The following DDX1 variants were observed in gnomAD, a reference collection of about 807,000 sequenced individuals.
The protein encoded by DDX1 is ATP-dependent RNA helicase DDX1.
A neutral mutation model predicts 108.7 loss-of-function variants in DDX1; 28 were observed. The observed-to-expected ratio is 0.26, with a 90% CI of 0.19 to 0.35. DDX1 has a LOEUF of 0.35. DDX1 is among the 10% of genes least tolerant of loss of function. The pLI, the probability that DDX1 is intolerant of heterozygous loss-of-function variation, is 1.00. For missense variants in DDX1, 710 were observed against 884.5 expected, an observed-to-expected ratio of 0.80 and a Z score of 2.50; for synonymous variants, 295 against 288.9, an observed-to-expected ratio of 1.02 and a Z score of -0.21.
intron 14 of DDX1, among the ~76,000 whole-genome samples, chr2:15,616,059 AT>A (rs973772418): frequency 8.1e-5 from 7 of 86,844 alleles, no homozygotes; most frequent in African/African-American, 1.3e-4. Context: ...TGCCCGGCTA[AT>A]TTTGTGTGTG....
At chr2:15,622,866 A>T (rs1046038622) in intron 18 of DDX1, among the ~76,000 whole-genome samples, 16 of 152,202 alleles carry the variant, frequency 1.1e-4, no homozygotes, top group African/African-American at 3.9e-4. Flanking sequence ...GTGGTTGAGG[A>T]ATAACAATTA....
Position 15,603,750 on chromosome 2 carries a change from T to C in DDX1, c.476-64T>C. ...CATACTATGTGAATAAAATTACTTC[T>C]TTTAGAGGTCTTTTAATTTTATATT... On this transcript the variant is annotated intron_variant, in intron 8 of 25. Coordinates refer to ENST00000233084, the MANE Select transcript of DDX1 (RefSeq NM_004939.3). The C allele has an allele frequency of 1.0e-5, 11 of 1,076,714 alleles. No individual in the cohort carries two copies. The South Asian group carries it at 1.4e-4, about 14-fold the overall frequency. 66.7% of individuals were successfully genotyped at this position (1,076,714 alleles called of 1,614,324 possible).
chr2:15,599,826 A>C (rs1235102345), intron 6 of DDX1, 110 bp downstream of exon 6: 1 of 766,224 alleles, frequency 1.3e-6, no homozygotes, highest in Non-Finnish European at 2.1e-6. Context: ...AGATATTAGA[A>C]TTTAGTCACT....
At chr2:15,595,045 C>T (rs940076523) in intron 1 of DDX1, 100 bp from the exon 2 acceptor site, 18 of 873,714 alleles carry the variant, frequency 2.1e-5, no homozygotes, top group Non-Finnish European at 3.0e-5. Flanking sequence ...ACTGAGCTAT[C>T]CTTCAAAATC....
intron 14 of DDX1, among the ~76,000 whole-genome samples, chr2:15,613,771 T>C (rs543606767): frequency 5.8e-4 from 88 of 151,752 alleles, no homozygotes; most frequent in Non-Finnish European, 1.1e-3. Context: ...TGCTCAGCCA[T>C]GCCATTACGA....
Position 15,613,372 on chromosome 2 carries a change from T to C in DDX1, c.1017+88T>C, listed in dbSNP as rs1313437661. 3.3e-5 allele frequency: 29 copies of C among 882,704 alleles called. No individual in the cohort carries two copies. The Middle Eastern group carries it at 1.0e-3, about 30-fold the overall frequency. The allele number at this position is 882,704 out of a possible 1,614,324, so 54.7% of individuals were successfully genotyped here. On this transcript the variant is annotated intron_variant, in intron 14 of 25. Coordinates refer to ENST00000233084, the MANE Select transcript of DDX1 (RefSeq NM_004939.3). ...CTGTTTTGTTTCAAGAAAATTTAAG[T>C]GAGGCTGAAATTAGAGCAAGGTCAG...
chr2:15,601,055 G>A (rs1442890838), intron 6 of DDX1, among the ~76,000 whole-genome samples: 3 of 151,744 alleles, frequency 2.0e-5, no homozygotes, highest in East Asian at 3.9e-4. Flanking sequence ...AGTTCTGTGA[G>A]CCAAGGCAGT....
At chr2:15,618,605 G>A (rs1665939564) in intron 16 of DDX1, among the ~76,000 whole-genome samples, 1 of 152,254 alleles carries the variant, frequency 6.6e-6, no homozygotes, top group South Asian at 2.1e-4. Context: ...CTCTCTGTGA[G>A]GCTGGTGGCC....
chr2:15,601,064 G>T (rs557715945), intron 6 of DDX1, among the ~76,000 whole-genome samples: 4 of 151,974 alleles, frequency 2.6e-5, no homozygotes, highest in Middle Eastern at 3.4e-3. Flanking sequence ...AGCCAAGGCA[G>T]TTCTAGCAAA....
chr2:15,628,632 TTA>T lies in DDX1; in HGVS notation c.1760-3_1760-2del. 5 of 1,608,792 alleles carry T rather than the reference TTA, an allele frequency of 3.1e-6. No individual in the cohort carries two copies. The highest frequency in any genetic ancestry group is 4.2e-6 in the Non-Finnish European group (5 of 1,177,016). The stretch of plus-strand genomic sequence containing the variant: ...GGCAATTGTTAATAATGGTTTTTAT[TTA>T]TAGTTATAAATGTCACTCTGCCCGA... On this transcript the variant is annotated splice_polypyrimidine_tract_variant and splice_region_variant and intron_variant, in intron 21 of 25. Transcript: ENST00000233084.
At chr2:15,598,815 C>T (rs2148737385) in intron 5 of DDX1, among the ~76,000 whole-genome samples, 1 of 152,222 alleles carries the variant, frequency 6.6e-6, no homozygotes, top group South Asian at 2.1e-4. Context: ...TATACGTATA[C>T]ATACATCTTA....
Position 15,621,104 on chromosome 2 carries a change from G to C in DDX1, c.1435G>C (p.Ala479Pro). ...VHAKDNTRPG[A>P]NSPEMWSEAI... ...TGCAAAAGATAACACAAGACCTGGT[G>C]CTAATAGTCCAGGTGAGTTAAAAGA... The change falls in exon 18 of 26, where the codon GCT becomes CCT. Residue 479 changes from alanine to proline, a missense_variant. Transcript: ENST00000233084. The C allele has an allele frequency of 6.2e-7, 1 of 1,608,928 alleles. No individual in the cohort carries two copies. Among genetic ancestry groups the C allele is most frequent in the South Asian group, 1.1e-5 (1 of 90,618 alleles).
chr2:15,603,989 T>C, intron 9 of DDX1, 99 bp downstream of exon 9: 1 of 752,550 alleles, frequency 1.3e-6, no homozygotes, highest in Non-Finnish European at 2.1e-6. Context: ...ATTCTCAAAA[T>C]GAGCAGATTT....
In DDX1 at chr2:15,599,489, T is replaced by A. The variant is rs907425643; in HGVS notation, c.260-180T>A. Among the ~76,000 whole-genome samples the A allele has an allele frequency of 5.3e-3, 804 of 151,936 alleles. 8 individuals are homozygous for A. The highest frequency in any genetic ancestry group is 0.019 in the African/African-American group (774 of 41,452). ...GCCTGGCTAATTTTTGTATTTTTTTTTTTAGTAGAGATGAGGTTTCACCAC... is the reference window on the plus strand; with the variant it reads ...GCCTGGCTAATTTTTGTATTTTTTTATTTAGTAGAGATGAGGTTTCACCAC... On this transcript the variant is annotated intron_variant, in intron 5 of 25. Transcript: ENST00000233084.
chr2:15,595,171 C>G lies in DDX1; in HGVS notation c.43C>G (p.Gln15Glu), dbSNP rs1422253406. 1.9e-6 allele frequency: 3 copies of G among 1,611,674 alleles called. No homozygotes were observed. The African/African-American group carries it at 4.0e-5, about 22-fold the overall frequency. Residue 15 changes from glutamine (Q) to glutamate (E), a missense_variant, in exon 2 of 26, where the codon CAA becomes GAA. Gln to Glu is a conservative substitution (Grantham distance 29, BLOSUM62 2). This residue lies in a region of DDX1 where 48 missense variants were observed against 57.5 expected (regional missense o/e 0.83). Transcript: ENST00000233084. ...SEMGVMPEIA[Q>E]AVEEMDWLLP... ...GATGGGTGTAATGCCTGAGATTGCA[C>G]AAGCTGTGGAAGAGATGGATTGGCT... is the stretch of plus-strand genomic sequence containing the variant.
At chr2:15,592,204 G>C (rs1345030844) in intron 1 of DDX1, among the ~76,000 whole-genome samples, 1 of 152,202 alleles carries the variant, frequency 6.6e-6, no homozygotes, top group Non-Finnish European at 1.5e-5. Flanking sequence ...GTCTCCACTT[G>C]GCTTTCCTGC....
chr2:15,595,062 C>A, intron 1 of DDX1, 83 bp from the exon 2 acceptor site: 2 of 1,090,806 alleles, frequency 1.8e-6, no homozygotes, highest in East Asian at 5.0e-5. Context: ...AATCTTTACC[C>A]TGTTTTATGA....
chr2:15,601,641 C>T (rs1665590676), intron 6 of DDX1, among the ~76,000 whole-genome samples: 1 of 152,198 alleles, frequency 6.6e-6, no homozygotes, highest in South Asian at 2.1e-4. Flanking sequence ...CAGGAACCGT[C>T]ATGTGTTCAG....
intron 13 of DDX1, among the ~76,000 whole-genome samples, chr2:15,612,686 G>C (rs1665796107): frequency 6.6e-6 from 1 of 152,142 alleles, no homozygotes; most frequent in African/African-American, 2.4e-5. Flanking sequence ...AGCGAGCCGA[G>C]ATCACGCCAC....
Sources: allele counts gnomAD v4.1 joint callset (sites outside exome capture counted in the v4.1 genomes callset), GRCh38; gene constraint gnomAD v4.1.1; regional missense constraint gnomAD v4.1.1; transcripts MANE v1.5; gene names NCBI Gene and HGNC (gene_info 2026-07-23, HGNC 2026-07-21).